ZBTB7C: variants seen among roughly 807,000 people sequenced by gnomAD.
ZBTB7C encodes the protein zinc finger and BTB domain containing 7C, also known as zinc finger and BTB domain-containing protein 7C.
ZBTB7C carries 8 observed loss-of-function variants against 25.7 expected under a neutral mutation model. The ratio of observed to expected loss-of-function variants is 0.31; its 90% CI spans 0.18 to 0.56. The LOEUF (loss-of-function observed/expected upper bound fraction) is 0.56, where lower values mean the gene tolerates loss of function less well. Ranked by LOEUF, ZBTB7C falls within the 20% of genes least tolerant of loss-of-function variation. ZBTB7C has a pLI of 0.91. For synonymous variants in ZBTB7C, 394 were observed against 369.0 expected (o/e 1.07, Z -0.78); for missense variants, 824 against 855.2 (o/e 0.96, Z 0.46).
At chr18:48,217,169 G>A (rs1568309015) in intron 2 of ZBTB7C, among the ~76,000 whole-genome samples, 1 of 152,206 alleles carries the variant, frequency 6.6e-6, no homozygotes, top group Non-Finnish European at 1.5e-5. Flanking sequence ...GCAGAGCCAT[G>A]AGACAATCAA....
intron 2 of ZBTB7C, among the ~76,000 whole-genome samples, chr18:48,221,758 TCTC>T (rs542033179): frequency 4.6e-4 from 69 of 151,426 alleles, no homozygotes; most frequent in African/African-American, 1.5e-3. Context: ...ACTGTCCTTG[TCTC>T]CTCTATACTG....
chr18:48,070,734 C>CA (rs1239101347), intron 3 of ZBTB7C, among the ~76,000 whole-genome samples: 2 of 152,176 alleles, frequency 1.3e-5, no homozygotes, highest in Non-Finnish European at 2.9e-5. Context: ...GGAAGGAGTG[C>CA]AAACATGCCA....
At chr18:48,304,263 A>T (rs2045614246) in intron 2 of ZBTB7C, among the ~76,000 whole-genome samples, 1 of 152,224 alleles carries the variant, frequency 6.6e-6, no homozygotes, top group South Asian at 2.1e-4. Flanking sequence ...GATAGCCTCA[A>T]GTGCTTTTTC....
rs148532330 is a variant in ZBTB7C, at chr18:48,212,816, A to G, written c.-78-26821T>C. Among the ~76,000 whole-genome samples the G allele has an allele frequency of 1.1e-3, 164 of 152,130 alleles. 1 individual carries two copies. The highest frequency in any genetic ancestry group is 3.6e-3 in the African/African-American group (149 of 41,448). On this transcript the variant is annotated intron_variant, in intron 2 of 4. Coordinates refer to ENST00000590800, the MANE Select transcript of ZBTB7C (RefSeq NM_001318841.2). ...GGGGGGATTGGGCTGGGTCTTGAAGAAGGAGTAGAATTTGGAAAGGAGAGT... is the reference window on the plus strand; with the variant it reads ...GGGGGGATTGGGCTGGGTCTTGAAGGAGGAGTAGAATTTGGAAAGGAGAGT...
intron 1 of ZBTB7C, among the ~76,000 whole-genome samples, chr18:48,344,751 C>A (rs1354942457): frequency 6.6e-6 from 1 of 152,186 alleles, no homozygotes; most frequent in Admixed American, 6.5e-5. Flanking sequence ...AAGCAGACTA[C>A]CAATTATATG....
At chr18:48,157,386 T>C (rs994897260) in intron 3 of ZBTB7C, among the ~76,000 whole-genome samples, 2 of 152,096 alleles carry the variant, frequency 1.3e-5, no homozygotes, top group Non-Finnish European at 2.9e-5. Context: ...TGCCAGAGCC[T>C]GCTAACTGTG....
intron 3 of ZBTB7C, among the ~76,000 whole-genome samples, chr18:48,058,226 T>C (rs1410828592): frequency 6.6e-6 from 1 of 152,222 alleles, no homozygotes; most frequent in Non-Finnish European, 1.5e-5. Flanking sequence ...TTTAAACATA[T>C]GGCCAATGAG....
chr18:48,243,323 T>G (rs368427578), intron 2 of ZBTB7C, among the ~76,000 whole-genome samples: 16 of 146,808 alleles, frequency 1.1e-4, no homozygotes, highest in African/African-American at 4.0e-4. Flanking sequence ...TTCAGTAAAG[T>G]TTAAGAATAC....
intron 2 of ZBTB7C, among the ~76,000 whole-genome samples, chr18:48,206,915 A>C (rs779916849): frequency 6.6e-6 from 1 of 152,244 alleles, no homozygotes; most frequent in Non-Finnish European, 1.5e-5. Context: ...CCATTAAAAG[A>C]GTAAAAACGC....
At chr18:48,130,469 T>G (rs1243417353) in intron 3 of ZBTB7C, among the ~76,000 whole-genome samples, 1 of 152,176 alleles carries the variant, frequency 6.6e-6, no homozygotes, top group African/African-American at 2.4e-5. Context: ...ACGGGTGATC[T>G]GGTCCTTGCC....
chr18:48,229,424 T>C (rs1183269136), intron 2 of ZBTB7C, among the ~76,000 whole-genome samples: 1 of 152,226 alleles, frequency 6.6e-6, no homozygotes, highest in Non-Finnish European at 1.5e-5. Flanking sequence ...TGTTGTTAAT[T>C]TTCCCAGCTC....
At chr18:48,338,794 T>G (rs2046518536) in intron 1 of ZBTB7C, among the ~76,000 whole-genome samples, 2 of 152,058 alleles carry the variant, frequency 1.3e-5, no homozygotes, top group South Asian at 4.1e-4. Context: ...AGAAAGGAGA[T>G]GCATGTTCTC....
rs561170435 is a variant in ZBTB7C, at chr18:48,164,193, C to G, written c.-17+21741G>C. Among the ~76,000 whole-genome samples the G allele has an allele frequency of 3.1e-3, 472 of 152,252 alleles. 3 individuals carry two copies. Among genetic ancestry groups the G allele is most frequent in the Middle Eastern group, 0.01 (3 of 294 alleles). On this transcript the variant is annotated intron_variant, in intron 3 of 4. Coordinates refer to ENST00000590800, the MANE Select transcript of ZBTB7C (RefSeq NM_001318841.2). Reference sequence around the variant, plus strand: ...TGACCCTCATGAAATACCAAAGGGGCTTTTGAAATAATTAAATTAATCACA... The same window carrying G: ...TGACCCTCATGAAATACCAAAGGGGGTTTTGAAATAATTAAATTAATCACA...
chr18:48,388,739 GC>G (rs979703608), intron 1 of ZBTB7C, among the ~76,000 whole-genome samples: 1 of 152,034 alleles, frequency 6.6e-6, no homozygotes. Flanking sequence ...ACAGACCAAT[GC>G]CCCTCTTTAG....
intron 2 of ZBTB7C, among the ~76,000 whole-genome samples, chr18:48,330,042 G>T (rs997654119): frequency 6.6e-6 from 1 of 152,236 alleles, no homozygotes; most frequent in African/African-American, 2.4e-5. Context: ...AGGTTCTGTG[G>T]TTGCTGTGCA....
intron 1 of ZBTB7C, among the ~76,000 whole-genome samples, chr18:48,402,471 G>T (rs1267453107): frequency 6.6e-6 from 1 of 152,198 alleles, no homozygotes; most frequent in Non-Finnish European, 1.5e-5. Context: ...AGGTGAGCAT[G>T]AGAGGCATGT....
In ZBTB7C at chr18:48,291,572, C is replaced by T. The variant is rs577011470; in HGVS notation, c.-79+46602G>A. On this transcript the variant is annotated intron_variant, in intron 2 of 4. Coordinates refer to ENST00000590800, the MANE Select transcript of ZBTB7C (RefSeq NM_001318841.2). ...CCACCGGGACAGGCAGCCCAGGACT[C>T]GGTTGTTATGAAAACCATCTTAGTG... Among the ~76,000 whole-genome samples the T allele has an allele frequency of 9.2e-5, 14 of 152,240 alleles. No homozygotes were observed. The East Asian group carries it at 2.7e-3, about 29-fold the overall frequency.
intron 1 of ZBTB7C, among the ~76,000 whole-genome samples, chr18:48,367,202 T>TATATATATATATACACACAC (rs1302394192): frequency 3.2e-5 from 2 of 63,380 alleles, no homozygotes; most frequent in Non-Finnish European, 6.3e-5. Context: ...TATATATATA[T>TATATATATATATACACACAC]ACACACACAC....
At chr18:48,216,354 G>A (rs2042822695) in intron 2 of ZBTB7C, among the ~76,000 whole-genome samples, 2 of 152,206 alleles carry the variant, frequency 1.3e-5, no homozygotes, top group African/African-American at 4.8e-5. Context: ...AGAAAATGCA[G>A]TCTCTGGTCT....
Sources: allele counts gnomAD v4.1 joint callset (sites outside exome capture counted in the v4.1 genomes callset), GRCh38; gene constraint gnomAD v4.1.1; transcripts MANE v1.5; gene names NCBI Gene and HGNC (gene_info 2026-07-23, HGNC 2026-07-21).